The following AUTS2 variants were observed in gnomAD, a reference collection of about 807,000 sequenced individuals.
The protein encoded by AUTS2 is activator of transcription and developmental regulator AUTS2, also known as autism susceptibility gene 2 protein.
A neutral mutation model predicts 112.4 loss-of-function variants in AUTS2; 17 were observed. That is an observed-to-expected ratio of 0.15 (90% CI 0.10 to 0.23). The LOEUF is 0.23. Ranked by LOEUF, AUTS2 falls within the 10% of genes least tolerant of loss-of-function variation. AUTS2 has a pLI of 1.00. For synonymous variants in AUTS2, 751 were observed against 702.7 expected, an observed-to-expected ratio of 1.07 and a Z score of -1.09; for missense variants, 1,510 against 1,701.6, an observed-to-expected ratio of 0.89 and a Z score of 1.98.
intron 4 of AUTS2, among the ~76,000 whole-genome samples, chr7:70,385,808 AGTT>A (rs1793581061): frequency 6.6e-6 from 1 of 152,190 alleles, no homozygotes; most frequent in Non-Finnish European, 1.5e-5. Flanking sequence ...TATTTAGAAA[AGTT>A]GTGTTCCTGG....
chr7:70,005,715 GCAAAATCAA>G (rs1280987124), intron 2 of AUTS2, among the ~76,000 whole-genome samples: 2 of 152,114 alleles, frequency 1.3e-5, no homozygotes, highest in African/African-American at 4.8e-5. Context: ...CACCAGCTGT[GCAAAATCAA>G]CAAGGGCAAG....
chr7:70,307,100 A>G (rs1789528247), intron 4 of AUTS2, among the ~76,000 whole-genome samples: 2 of 152,246 alleles, frequency 1.3e-5, no homozygotes, highest in African/African-American at 4.8e-5. Flanking sequence ...TATGGATGGT[A>G]CTTAGCTCAA....
intron 1 of AUTS2, among the ~76,000 whole-genome samples, chr7:69,667,056 C>T (rs529526155): frequency 6.6e-6 from 1 of 152,294 alleles, no homozygotes; most frequent in South Asian, 2.1e-4. Flanking sequence ...TGAGGGGCCA[C>T]ATCTGGTGAT....
intron 1 of AUTS2, among the ~76,000 whole-genome samples, chr7:69,625,021 G>T (rs1330385737): frequency 6.7e-6 from 1 of 148,284 alleles, no homozygotes; most frequent in African/African-American, 2.5e-5. Flanking sequence ...TTTCAGGCTT[G>T]TGTGAAGCGG....
intron 4 of AUTS2, among the ~76,000 whole-genome samples, chr7:70,379,591 G>C (rs1793275131): frequency 6.6e-6 from 1 of 152,098 alleles, no homozygotes; most frequent in South Asian, 2.1e-4. Flanking sequence ...TGTGTGTGTA[G>C]GTTCTGGAAG....
intron 5 of AUTS2, among the ~76,000 whole-genome samples, chr7:70,472,369 G>GTTTT (rs55672214): frequency 6.9e-6 from 1 of 144,310 alleles, no homozygotes; most frequent in Non-Finnish European, 1.5e-5. Flanking sequence ...TTGGGGTGGG[G>GTTTT]TTTTTTTTTT....
At chr7:70,642,394 C>G in intron 5 of AUTS2, among the ~76,000 whole-genome samples, 1 of 7,964 alleles carries the variant, frequency 1.3e-4, no homozygotes, top group South Asian at 9.3e-3. Context: ...TTTTTCTATC[C>G]TTCGTGCACA....
chr7:70,083,679 G>A (rs1371859697), intron 2 of AUTS2, among the ~76,000 whole-genome samples: 1 of 152,082 alleles, frequency 6.6e-6, no homozygotes, highest in Admixed American at 6.6e-5. Context: ...AGGTGTGATG[G>A]CTTACACCTG....
At chr7:70,554,456 C>T (rs1326237277) in intron 5 of AUTS2, among the ~76,000 whole-genome samples, 1 of 144,194 alleles carries the variant, frequency 6.9e-6, no homozygotes, top group Non-Finnish European at 1.5e-5. Context: ...ACCAAAAAGG[C>T]CTTTTGACAA....
intron 1 of AUTS2, among the ~76,000 whole-genome samples, chr7:69,709,891 G>A (rs116758698): frequency 0.011 from 1,216 of 106,952 alleles, 19 homozygotes; most frequent in African/African-American, 0.043. Flanking sequence ...AGCATCACAC[G>A]AAACATGTCA....
Position 70,694,027 on chromosome 7 carries a change from G to A in AUTS2, c.691-4542G>A, listed in dbSNP as rs1346680263. ...CGGTGGCACCGGCGGCTCGGGCTCG[G>A]CGCGCCGAGGAAGTCCCGCTCCGAG... is the stretch of plus-strand genomic sequence containing the variant. On this transcript the variant is annotated intron_variant, in intron 5 of 18. Transcript: ENST00000342771. The surrounding 1 kb of genome is among the most constrained non-coding windows in gnomAD (Gnocchi z 4.1). 6.6e-6 allele frequency: 1 copy of A among 151,636 alleles called. No individual in the cohort carries two copies. The highest frequency in any genetic ancestry group is 1.5e-5 in the Non-Finnish European group (1 of 67,854). 9.4% of individuals were successfully genotyped at this position (151,636 alleles called of 1,614,324 possible).
At chr7:69,822,593 G>T (rs1386704798) in intron 1 of AUTS2, among the ~76,000 whole-genome samples, 1 of 152,212 alleles carries the variant, frequency 6.6e-6, no homozygotes, top group Non-Finnish European at 1.5e-5. Context: ...AGTGTTGACT[G>T]CTGGGAGGTG....
At chr7:70,561,363 C>A (rs1801477564) in intron 5 of AUTS2, among the ~76,000 whole-genome samples, 2 of 152,210 alleles carry the variant, frequency 1.3e-5, no homozygotes, top group Admixed American at 1.3e-4. Flanking sequence ...CACAGGGACT[C>A]ACACTTGTAA....
intron 6 of AUTS2, among the ~76,000 whole-genome samples, chr7:70,740,710 A>T (rs1788051669): frequency 6.6e-6 from 1 of 152,172 alleles, no homozygotes; most frequent in Non-Finnish European, 1.5e-5. Flanking sequence ...TATATAAAGT[A>T]ATAAATGTGG....
intron 1 of AUTS2, among the ~76,000 whole-genome samples, chr7:69,814,305 C>T (rs1448674123): frequency 6.6e-6 from 1 of 152,220 alleles, no homozygotes; most frequent in Non-Finnish European, 1.5e-5. Context: ...TTCTGCCCCA[C>T]TAGTTCCCCT....
At chr7:69,985,903 G>C (rs1219342485) in intron 2 of AUTS2, among the ~76,000 whole-genome samples, 2 of 152,002 alleles carry the variant, frequency 1.3e-5, no homozygotes, top group African/African-American at 4.8e-5. Flanking sequence ...CTACAGGCAC[G>C]TGCCACCATG....
chr7:70,416,099 A>G (rs1470599688), intron 4 of AUTS2, among the ~76,000 whole-genome samples: 1 of 152,108 alleles, frequency 6.6e-6, no homozygotes, highest in East Asian at 1.9e-4. Flanking sequence ...GCTGGCATGC[A>G]GGTGTGTTTT....
intron 1 of AUTS2, among the ~76,000 whole-genome samples, chr7:69,600,976 C>CT (rs1792371204): frequency 6.7e-6 from 1 of 150,372 alleles, no homozygotes; most frequent in African/African-American, 2.5e-5. Flanking sequence ...CAACTGGCTC[C>CT]TAGGGTAGGG....
chr7:70,338,043 C>T lies in AUTS2; in HGVS notation c.661-97709C>T, dbSNP rs1008701097. Among the ~76,000 whole-genome samples the T allele has an allele frequency of 2.0e-5, 3 of 152,228 alleles. 1 individual carries two copies. Among genetic ancestry groups the T allele is most frequent in the African/African-American group, 7.2e-5 (3 of 41,466 alleles). On this transcript the variant is annotated intron_variant, in intron 4 of 18. Coordinates refer to ENST00000342771, the MANE Select transcript of AUTS2 (RefSeq NM_015570.4). The stretch of plus-strand genomic sequence containing the variant: ...TGCTTATGTTACAGTGCATTAAAAA[C>T]TCTAATTAAAACAGCATTACATTCC...
Sources: allele counts gnomAD v4.1 joint callset (sites outside exome capture counted in the v4.1 genomes callset), GRCh38; gene constraint gnomAD v4.1.1; non-coding constraint Gnocchi (gnomAD v3.1); transcripts MANE v1.5; gene names NCBI Gene and HGNC (gene_info 2026-07-23, HGNC 2026-07-21).